SCUBE2: variants seen among roughly 807,000 people sequenced by gnomAD.
SCUBE2 encodes signal peptide, CUB domain and EGF like domain containing 2, also known as signal peptide, CUB and EGF-like domain-containing protein 2.
Under a neutral mutation model 125.9 loss-of-function variants are expected in SCUBE2, and 114 were observed. The ratio of observed to expected loss-of-function variants is 0.91; its 90% CI spans 0.78 to 1.06. The LOEUF (loss-of-function observed/expected upper bound fraction) is 1.06, where lower values mean the gene tolerates loss of function less well. Among genes scored for constraint, SCUBE2 ranks in the 50% least tolerant of loss-of-function variants. The pLI is 0.00. For missense variants in SCUBE2, 1,255 were observed against 1,301.8 expected, an observed-to-expected ratio of 0.96 and a Z score of 0.55; for synonymous variants, 459 against 492.9, an observed-to-expected ratio of 0.93 and a Z score of 0.91.
At chr11:9,041,055 A>G (rs932257145) in intron 16 of SCUBE2, among the ~76,000 whole-genome samples, 5 of 152,242 alleles carry the variant, frequency 3.3e-5, no homozygotes, top group African/African-American at 1.2e-4. Context: ...CTATAGGACA[A>G]ATGGATTTGC....
At chr11:9,051,490 G>A (rs1858409534) in intron 13 of SCUBE2, among the ~76,000 whole-genome samples, 1 of 152,172 alleles carries the variant, frequency 6.6e-6, no homozygotes, top group South Asian at 2.1e-4. Context: ...CACTAAACAT[G>A]GCTAGGCTCT....
intron 17 of SCUBE2, among the ~76,000 whole-genome samples, chr11:9,032,940 G>A (rs1353378690): frequency 1.3e-5 from 2 of 152,134 alleles, no homozygotes; most frequent in African/African-American, 4.8e-5. Flanking sequence ...AGCTGAGGCT[G>A]GGAGTCACTC....
chr11:9,022,053 G>T, intron 21 of SCUBE2, 98 bp from the exon 22 acceptor site: 1 of 857,108 alleles, frequency 1.2e-6, no homozygotes. Flanking sequence ...TGCCCCTTCT[G>T]TGGCTGCTAT....
At chr11:9,074,242 GT>G (rs1409793470) in intron 4 of SCUBE2, among the ~76,000 whole-genome samples, 1 of 152,236 alleles carries the variant, frequency 6.6e-6, no homozygotes, top group African/African-American at 2.4e-5. Context: ...ATCAGAAAAT[GT>G]GAGAGTTTGA....
At chr11:9,069,649 T>A (rs1451838053) in intron 4 of SCUBE2, among the ~76,000 whole-genome samples, 154 bp from the exon 5 acceptor site, 1 of 152,194 alleles carries the variant, frequency 6.6e-6, no homozygotes, top group Non-Finnish European at 1.5e-5. Context: ...AAAGTCAACC[T>A]AGGCCAATTA....
At chr11:9,034,357 G>C (rs1171971044) in intron 16 of SCUBE2, among the ~76,000 whole-genome samples, 2 of 152,136 alleles carry the variant, frequency 1.3e-5, no homozygotes, top group Non-Finnish European at 2.9e-5. Flanking sequence ...GAAAAGATTG[G>C]GAATAGACTG....
intron 7 of SCUBE2, 66 bp from the exon 8 acceptor site, chr11:9,060,590 A>C (rs371663401): frequency 1.5e-6 from 2 of 1,357,248 alleles, no homozygotes; most frequent in African/African-American, 1.4e-5. Context: ...GACGAAGGTC[A>C]CAGAAGCCAA....
intron 16 of SCUBE2, 46 bp from the exon 17 acceptor site, chr11:9,033,842 A>G (rs746295435): frequency 2.5e-6 from 4 of 1,596,010 alleles, no homozygotes; most frequent in East Asian, 4.5e-5. Flanking sequence ...ACAAAGGCCA[A>G]GGAAGGATGA....
chr11:9,067,743 T>A (rs1048553594), intron 5 of SCUBE2, among the ~76,000 whole-genome samples: 1 of 152,184 alleles, frequency 6.6e-6, no homozygotes, highest in Non-Finnish European at 1.5e-5. Context: ...TTAATAATGT[T>A]AATGTTAAAA....
At chr11:9,046,163 C>T (rs754074349) in intron 16 of SCUBE2, among the ~76,000 whole-genome samples, 1 of 151,950 alleles carries the variant, frequency 6.6e-6, no homozygotes, top group Admixed American at 6.6e-5. Flanking sequence ...CGCGCCACCA[C>T]GCCCAGCTAA....
Position 9,033,728 on chromosome 11 carries a change from A to C in SCUBE2, c.2071T>G (p.Phe691Val). ...ERCILCPNGT[F>V]QNEEGQMTCE... ...GTCATTTGTCCTTCCTCATTTTGGA[A>C]GGTTCCATTTGGACATAAAATGCAG... Residue 691 changes from phenylalanine to valine, a missense_variant, in exon 17 of 23, where the codon TTC (phenylalanine) becomes GTC (valine). Coordinates refer to ENST00000649792, the MANE Select transcript of SCUBE2 (RefSeq NM_001367977.2). The C allele has an allele frequency of 6.2e-7, 1 of 1,614,118 alleles. No homozygotes were observed. Among genetic ancestry groups the C allele is most frequent in the Non-Finnish European group, 8.5e-7 (1 of 1,180,030 alleles).
At position 9,029,926 on chromosome 11, in the gene SCUBE2, T is replaced by C. The variant is rs746972452; in HGVS notation, c.2461A>G (p.Thr821Ala). Residue 821 changes from threonine to alanine, a missense_variant, in exon 19 of 23, where the codon ACG becomes GCG. Coordinates refer to ENST00000649792, the MANE Select transcript of SCUBE2 (RefSeq NM_001367977.2). ...TTTGTGGAGCCATCAAAGTCAGTCG[T>C]AGTATTTCCTGGGCAAGAAACACAA... ...NNCVSCPGNT[T>A]TDFDGSTNIT... The C allele has an allele frequency of 1.2e-6, 2 of 1,614,222 alleles. No individual in the cohort carries two copies. Among genetic ancestry groups the C allele is most frequent in the Admixed American group, 3.3e-5 (2 of 60,028 alleles).
rs896119287 is a variant in SCUBE2 at position 9,091,210 on chromosome 11, G to T, written c.133+186C>A. 4.6e-5 allele frequency among the ~76,000 whole-genome samples: 7 copies of T among 152,084 alleles called. No homozygotes were observed. The highest frequency in any genetic ancestry group is 9.7e-5 in the African/African-American group (4 of 41,430). ...CCGAGGCCGGGCCGAAGGACTCAGGGCCCCAGCGGTCGTGGCGCCTTGGCC... is the reference window on the plus strand; with the variant it reads ...CCGAGGCCGGGCCGAAGGACTCAGGTCCCCAGCGGTCGTGGCGCCTTGGCC... On this transcript the variant is annotated intron_variant, in intron 1 of 22. Transcript: ENST00000649792. This position sits in a 1 kb window ranked among gnomAD's most constrained non-coding sequence, Gnocchi z 8.5.
At chr11:9,086,847 T>C (rs1047116177) in intron 2 of SCUBE2, among the ~76,000 whole-genome samples, 1 of 66,442 alleles carries the variant, frequency 1.5e-5, no homozygotes, top group African/African-American at 5.1e-5. Context: ...AGCAAGACTC[T>C]ATCTCAAAAA....
intron 13 of SCUBE2, among the ~76,000 whole-genome samples, chr11:9,051,223 T>G (rs1858364230): frequency 7.1e-6 from 1 of 140,422 alleles, no homozygotes; most frequent in Non-Finnish European, 1.6e-5. Flanking sequence ...TCTATCTATC[T>G]ATCTACCTAC....
chr11:9,080,786 C>T (rs1861571106), intron 2 of SCUBE2, among the ~76,000 whole-genome samples: 1 of 151,856 alleles, frequency 6.6e-6, no homozygotes, highest in South Asian at 2.1e-4. Flanking sequence ...AGAACTTTTG[C>T]TCTTCAAACG....
intron 16 of SCUBE2, 85 bp downstream of exon 16, chr11:9,047,271 G>A: frequency 7.3e-7 from 1 of 1,370,656 alleles, no homozygotes. Context: ...GAGAAGGGAG[G>A]ATGGGCCAGA....
chr11:9,056,148 A>G (rs144044619), intron 9 of SCUBE2, among the ~76,000 whole-genome samples: 1 of 152,214 alleles, frequency 6.6e-6, no homozygotes, highest in African/African-American at 2.4e-5. Context: ...CACTTCCCTC[A>G]AAACTCAGTT....
At chr11:9,074,748 T>C (rs1372971127) in intron 3 of SCUBE2, 133 bp from the exon 4 acceptor site, 27 of 1,071,288 alleles carry the variant, frequency 2.5e-5, no homozygotes, top group African/African-American at 6.2e-5. Flanking sequence ...GCTTTCAGAA[T>C]CAAAGCCGGT....
Sources: allele counts gnomAD v4.1 joint callset (sites outside exome capture counted in the v4.1 genomes callset), GRCh38; gene constraint gnomAD v4.1.1; non-coding constraint Gnocchi (gnomAD v3.1); transcripts MANE v1.5; gene names NCBI Gene and HGNC (gene_info 2026-07-23, HGNC 2026-07-21).